CD300A: variants seen among roughly 807,000 people sequenced by gnomAD.
CD300A encodes CMRF35-like molecule 8.
CD300A carries 22 observed loss-of-function variants against 33.6 expected under a neutral mutation model. The observed-to-expected ratio is 0.66, with a 90% confidence interval of 0.47 to 0.94. The LOEUF (loss-of-function observed/expected upper bound fraction) is 0.94. CD300A is among the 40% of genes least tolerant of loss of function. The pLI is 0.00. For missense variants in CD300A, 326 were observed against 360.5 expected (o/e 0.90, Z 0.77); for synonymous variants, 136 against 148.1 (o/e 0.92, Z 0.59).
At chr17:74,474,409 G>A (rs1046568567) in intron 2 of CD300A, 123 bp from the exon 3 acceptor site, 2 of 947,776 alleles carry the variant, frequency 2.1e-6, no homozygotes, top group Admixed American at 2.0e-5. Context: ...CTAGCCCCAG[G>A]GTCCTGCATC....
At chr17:74,481,116 A>G (rs1200724421) in intron 4 of CD300A, among the ~76,000 whole-genome samples, 173 bp from the exon 5 acceptor site, 2 of 151,948 alleles carry the variant, frequency 1.3e-5, no homozygotes, top group Admixed American at 1.3e-4. Context: ...TTACTAAGTC[A>G]CTAATTCACT....
At chr17:74,481,382 T>C in intron 5 of CD300A, 56 bp downstream of exon 5, 1 of 1,538,824 alleles carries the variant, frequency 6.5e-7, no homozygotes, top group Non-Finnish European at 9.0e-7. Flanking sequence ...GTACAGAGGC[T>C]GCTGGGGAGT....
intron 4 of CD300A, among the ~76,000 whole-genome samples, chr17:74,478,016 G>C (rs528204278): frequency 6.6e-6 from 1 of 152,098 alleles, no homozygotes; most frequent in Non-Finnish European, 1.5e-5. Context: ...TGCCCTCCAC[G>C]ATCTGGCTCT....
At chr17:74,466,822 CGA>C (rs1402786899) in intron 1 of CD300A, 79 bp downstream of exon 1, 2 of 1,548,690 alleles carry the variant, frequency 1.3e-6, no homozygotes, top group Admixed American at 3.9e-5. Flanking sequence ...AGGTATCACA[CGA>C]GACGCCCCGA....
intron 6 of CD300A, among the ~76,000 whole-genome samples, chr17:74,482,626 A>G (rs1284021322): frequency 1.3e-5 from 2 of 150,878 alleles, no homozygotes; most frequent in Admixed American, 1.3e-4. Context: ...AGCTGTCTGC[A>G]TGAGGATGAG....
At chr17:74,474,142 A>G (rs1005993013) in intron 2 of CD300A, among the ~76,000 whole-genome samples, 5 of 151,472 alleles carry the variant, frequency 3.3e-5, no homozygotes, top group African/African-American at 1.2e-4. Flanking sequence ...CTCAGCCCCA[A>G]CGGAAGTGCA....
intron 1 of CD300A, among the ~76,000 whole-genome samples, chr17:74,472,908 C>G (rs960798494): frequency 6.6e-6 from 1 of 152,198 alleles, no homozygotes; most frequent in Non-Finnish European, 1.5e-5. Flanking sequence ...CTGTACCCAG[C>G]CAGTATTCTT....
At chr17:74,466,521 C>T (rs753874412), upstream of CD300A, 598 of 657,996 alleles carry the variant, frequency 9.1e-4, 6 homozygotes, top group Middle Eastern at 7.5e-4. Flanking sequence ...GAGTCTTAGT[C>T]GGGGCTCACC....
chr17:74,477,217 A>C (rs1431857974), intron 3 of CD300A, among the ~76,000 whole-genome samples: 1 of 151,964 alleles, frequency 6.6e-6, no homozygotes, highest in African/African-American at 2.4e-5. Flanking sequence ...AAATTTAAAA[A>C]TTAGCCGTGG....
intron 1 of CD300A, among the ~76,000 whole-genome samples, chr17:74,473,047 C>T (rs1167030811): frequency 1.3e-5 from 2 of 151,948 alleles, no homozygotes; most frequent in Non-Finnish European, 2.9e-5. Flanking sequence ...AGTGCAGGTG[C>T]TTAGGGGTGA....
intron 1 of CD300A, among the ~76,000 whole-genome samples, chr17:74,473,331 C>T (rs1158204361): frequency 6.6e-6 from 1 of 151,982 alleles, no homozygotes; most frequent in Non-Finnish European, 1.5e-5. Context: ...CTGAGCTCTT[C>T]CGGTCTCCAT....
At chr17:74,477,558 C>T (rs1906554755) in intron 4 of CD300A, 28 bp downstream of exon 4, 1 of 1,540,348 alleles carries the variant, frequency 6.5e-7, no homozygotes, top group African/African-American at 1.4e-5. Flanking sequence ...ACCCCTCTGC[C>T]CCACCTGGGG....
chr17:74,482,693 CCTTCCTTTCTTT>C (rs1567985654), intron 6 of CD300A, among the ~76,000 whole-genome samples: 1 of 102,216 alleles, frequency 9.8e-6, no homozygotes, highest in East Asian at 2.8e-4. Flanking sequence ...TTCCTTCCTT[CCTTCCTTTCTTT>C]CTTTCTTTCT....
At position 74,484,328 on chromosome 17, in the gene CD300A, A is replaced by G. The variant is rs9903890; in HGVS notation, c.*202A>G. 0.17 allele frequency: 82,986 copies of G among 493,546 alleles called. 13,863 individuals are homozygous for G. The highest frequency in any genetic ancestry group is 0.6 in the African/African-American group (30,727 of 51,154). The allele number at this position is 493,546 out of a possible 1,614,324, so 30.6% of individuals were successfully genotyped here. A position where few individuals can be genotyped will look rare whatever the true frequency, so the allele number is the denominator to read the frequency against. Reference sequence around the variant, plus strand: ...GGGCCAGCAGGGCTGGGGGCTCCGGAGAGCAGCAGGAAGCACTCCCAGCCA... The same window carrying G: ...GGGCCAGCAGGGCTGGGGGCTCCGGGGAGCAGCAGGAAGCACTCCCAGCCA... On this transcript the variant is annotated 3_prime_UTR_variant, in exon 7 of 7. Coordinates refer to ENST00000360141, the MANE Select transcript of CD300A (RefSeq NM_007261.4).
chr17:74,472,066 C>A (rs1471086028), intron 1 of CD300A, among the ~76,000 whole-genome samples: 1 of 151,944 alleles, frequency 6.6e-6, no homozygotes, highest in Admixed American at 6.6e-5. Flanking sequence ...CATGGTGAAA[C>A]CCTGTCTCTA....
chr17:74,470,794 A>G (rs1051746710), intron 1 of CD300A, among the ~76,000 whole-genome samples: 2 of 149,466 alleles, frequency 1.3e-5, no homozygotes, highest in African/African-American at 5.0e-5. Context: ...GAATACAGGC[A>G]CGTGCCACCA....
At chr17:74,469,678 G>A (rs546372410) in intron 1 of CD300A, among the ~76,000 whole-genome samples, 1 of 152,172 alleles carries the variant, frequency 6.6e-6, no homozygotes, top group African/African-American at 2.4e-5. Context: ...CACAAAATTA[G>A]CCAGGCATGG....
At chr17:74,474,407 A>AG in intron 2 of CD300A, 125 bp from the exon 3 acceptor site, 1 of 931,728 alleles carries the variant, frequency 1.1e-6, no homozygotes, top group African/African-American at 1.6e-5. Flanking sequence ...CTCTAGCCCC[A>AG]GGGTCCTGCA....
chr17:74,484,075 G>C lies in CD300A; in HGVS notation c.849G>C (p.Arg283Ser). ...DSNTNRIAAQRPREEEPDSDY... is the reference protein window; with the variant it reads ...DSNTNRIAAQSPREEEPDSDY... ...ACACCAACAGGATAGCTGCTCAGAG[G>C]CCTCGGGAGGAGGAACCAGATTCAG... The change falls in exon 7 of 7, where the codon AGG becomes AGC. Residue 283 changes from arginine to serine, a missense_variant. By Grantham distance (110) the Arg-to-Ser change is moderately radical (BLOSUM62 -1). Coordinates refer to ENST00000360141, the MANE Select transcript of CD300A (RefSeq NM_007261.4). 6.2e-7 allele frequency: 1 copy of C among 1,614,072 alleles called. No homozygotes were observed. Among genetic ancestry groups the C allele is most frequent in the East Asian group, 2.2e-5 (1 of 44,874 alleles).
Sources: allele counts gnomAD v4.1 joint callset (sites outside exome capture counted in the v4.1 genomes callset), GRCh38; gene constraint gnomAD v4.1.1; transcripts MANE v1.5; gene names NCBI Gene and HGNC (gene_info 2026-07-23, HGNC 2026-07-21).